NFATC1: variants seen among roughly 807,000 people sequenced by gnomAD.
NFATC1 encodes nuclear factor of activated T cells 1.
In NFATC1, 22 loss-of-function variants were observed where a neutral mutation model predicts 76.0. The ratio of observed to expected loss-of-function variants is 0.29; its 90% CI spans 0.21 to 0.41. The LOEUF (loss-of-function observed/expected upper bound fraction) is 0.41. Among genes scored for constraint, NFATC1 ranks in the 10% least tolerant of loss-of-function variants. NFATC1 has a pLI of 1.00. For synonymous variants in NFATC1, 704 were observed against 613.1 expected (o/e 1.15, Z -2.19); for missense variants, 1,357 against 1,337.7 (o/e 1.01, Z -0.23).
chr18:79,425,035 ATCTC>A (rs946466204), intron 2 of NFATC1, among the ~76,000 whole-genome samples: 10 of 64,294 alleles, frequency 1.6e-4, no homozygotes, highest in African/African-American at 4.7e-4. Context: ...ATCTCTCTCC[ATCTC>A]TCTCTCCGTC....
chr18:79,475,048 C>T (rs1268242494), intron 8 of NFATC1, among the ~76,000 whole-genome samples: 2 of 124,656 alleles, frequency 1.6e-5, no homozygotes, highest in Non-Finnish European at 3.2e-5. Flanking sequence ...CGCTCACTGT[C>T]GACGTTGTAA....
intron 9 of NFATC1, among the ~76,000 whole-genome samples, chr18:79,508,915 A>T (rs1241318390): frequency 2.2e-5 from 3 of 137,314 alleles, no homozygotes; most frequent in Admixed American, 7.5e-5. Context: ...TTTCTCTCTC[A>T]TGGCGGCCTT....
At chr18:79,402,130 G>C (rs2085285807) in intron 1 of NFATC1, among the ~76,000 whole-genome samples, 1 of 152,254 alleles carries the variant, frequency 6.6e-6, no homozygotes, top group Non-Finnish European at 1.5e-5. Flanking sequence ...ACACGTGACT[G>C]TGCGCGACAG....
At chr18:79,519,982 C>T (rs536578806) in intron 9 of NFATC1, among the ~76,000 whole-genome samples, 3 of 152,318 alleles carry the variant, frequency 2.0e-5, no homozygotes, top group Admixed American at 6.5e-5. Flanking sequence ...TGGCAGAGCT[C>T]TGTTGTCCAG....
intron 6 of NFATC1, among the ~76,000 whole-genome samples, chr18:79,452,926 T>G (rs2087535779): frequency 6.6e-6 from 1 of 152,094 alleles, no homozygotes; most frequent in African/African-American, 2.4e-5. Flanking sequence ...GCCTTGATAA[T>G]GGGGTCTTGA....
chr18:79,414,333 A>C (rs747958705), intron 2 of NFATC1, among the ~76,000 whole-genome samples: 2 of 152,172 alleles, frequency 1.3e-5, no homozygotes, highest in Non-Finnish European at 2.9e-5. Flanking sequence ...TCTTCTCCCC[A>C]CCGTGGTACA....
chr18:79,457,206 G>C (rs1317682257), intron 6 of NFATC1, among the ~76,000 whole-genome samples: 1 of 152,212 alleles, frequency 6.6e-6, no homozygotes, highest in East Asian at 1.9e-4. Flanking sequence ...TGCTCCCAGA[G>C]ACCACACAGG....
chr18:79,450,442 CTAATAATATA>C (rs1568976962), intron 4 of NFATC1, among the ~76,000 whole-genome samples: 1 of 148,026 alleles, frequency 6.8e-6, no homozygotes, highest in Non-Finnish European at 1.5e-5. Context: ...AATATTTAAC[CTAATAATATA>C]TAATATATAA....
chr18:79,504,605 A>G (rs564209678), intron 9 of NFATC1, among the ~76,000 whole-genome samples: 2 of 152,382 alleles, frequency 1.3e-5, no homozygotes, highest in East Asian at 3.9e-4. Context: ...TGACACAGAG[A>G]TATGAAGTGG....
chr18:79,527,314 C>T (rs62096935), intron 9 of NFATC1: 27,529 of 544,036 alleles, frequency 0.051, 982 homozygotes, highest in Admixed American at 0.099. Flanking sequence ...CGGACGAGGG[C>T]GGTCACTCTG....
chr18:79,522,012 T>G (rs1486713206), intron 9 of NFATC1, among the ~76,000 whole-genome samples: 4 of 61,486 alleles, frequency 6.5e-5, no homozygotes, highest in Admixed American at 4.9e-4. Flanking sequence ...TGTGCATGTG[T>G]GGGGGGGCGT....
chr18:79,437,937 G>A (rs1289844653), intron 3 of NFATC1, among the ~76,000 whole-genome samples: 1 of 152,258 alleles, frequency 6.6e-6, no homozygotes, highest in African/African-American at 2.4e-5. Flanking sequence ...GACAGGCAGT[G>A]TTCTTCCCCT....
intron 2 of NFATC1, among the ~76,000 whole-genome samples, chr18:79,417,872 T>A (rs1335245584): frequency 1.8e-5 from 1 of 55,676 alleles, no homozygotes; most frequent in Non-Finnish European, 3.6e-5. Context: ...AGATGGGAGA[T>A]GGGCTGGGCA....
intron 9 of NFATC1, among the ~76,000 whole-genome samples, chr18:79,507,108 G>A (rs961522319): frequency 1.3e-5 from 2 of 152,218 alleles, no homozygotes; most frequent in African/African-American, 4.8e-5. Context: ...GGACGCTGTC[G>A]CCAGGCACTG....
intron 6 of NFATC1, among the ~76,000 whole-genome samples, chr18:79,456,113 C>T (rs1333554671): frequency 6.6e-6 from 1 of 152,242 alleles, no homozygotes; most frequent in Non-Finnish European, 1.5e-5. Context: ...TGGGAGGCTC[C>T]ACCCAGCAGC....
At chr18:79,411,575 C>T (rs1422730475) in intron 2 of NFATC1, 74 bp downstream of exon 2, 52 of 716,940 alleles carry the variant, frequency 7.3e-5, no homozygotes, top group Non-Finnish European at 8.5e-5. Context: ...GGGAGCGGGA[C>T]GGGGGGCGGC....
chr18:79,451,145 G>C lies in NFATC1; in HGVS notation c.1762+19G>C. ...GAATGCTGTAAGTGGACGTCCACGC[G>C]CCCACAGGGGAGGAAACCGTCCCGT... On this transcript the variant is annotated intron_variant, in intron 5 of 9. Coordinates refer to ENST00000427363, the MANE Select transcript of NFATC1 (RefSeq NM_001278669.2). 6.3e-7 allele frequency: 1 copy of C among 1,597,738 alleles called. No individual in the cohort carries two copies. The highest frequency in any genetic ancestry group is 8.6e-7 in the Non-Finnish European group (1 of 1,168,984).
intron 4 of NFATC1, 130 bp downstream of exon 4, chr18:79,449,114 C>T: frequency 1.2e-6 from 1 of 809,698 alleles, no homozygotes. Flanking sequence ...TTTGGTTTAA[C>T]AGCCAATAAG....
chr18:79,444,733 G>C lies in NFATC1; in HGVS notation c.1387-4049G>C, dbSNP rs868801328. Among the ~76,000 whole-genome samples, 12 of 142,560 alleles carry C rather than the reference G, an allele frequency of 8.4e-5. 1 individual carries two copies. Among genetic ancestry groups the C allele is most frequent in the East Asian group, 4.8e-4 (2 of 4,202 alleles). The allele number at this position is 142,560 out of a possible 152,430, so 93.5% of individuals were successfully genotyped here. A position where few individuals can be genotyped will look rare whatever the true frequency, so the allele number is the denominator to read the frequency against. ...ACTGCACACACAGGCACCCCCGTGG[G>C]CACACACGTGCCCGACCCCACAGAC... On this transcript the variant is annotated intron_variant, in intron 3 of 9. Transcript: ENST00000427363.
Sources: gnomAD v4.1 joint callset for allele counts (sites outside exome capture counted in the v4.1 genomes callset) on GRCh38, gnomAD v4.1.1 for gene constraint, MANE v1.5 for transcripts, NCBI Gene and HGNC (gene_info 2026-07-23, HGNC 2026-07-21) for gene names.